The following CPT1B variants were observed in gnomAD, a reference collection of about 807,000 sequenced individuals.
The protein encoded by CPT1B is carnitine palmitoyltransferase 1B.
CPT1B carries 57 observed loss-of-function variants against 92.7 expected under a neutral mutation model. The observed-to-expected ratio is 0.62, with a 90% CI of 0.50 to 0.77. The LOEUF is 0.77. Ranked by LOEUF, CPT1B falls within the 30% of genes least tolerant of loss-of-function variation. The pLI, the probability that CPT1B is intolerant of heterozygous loss-of-function variation, is 0.00. For missense variants in CPT1B, 983 were observed against 1,017.4 expected, an observed-to-expected ratio of 0.97 and a Z score of 0.46; for synonymous variants, 398 against 383.5, an observed-to-expected ratio of 1.04 and a Z score of -0.44.
rs1326283217 is a variant in CPT1B at position 50,572,258 on chromosome 22, C to A, written c.1403G>T (p.Gly468Val). Residue 468 changes from glycine to valine, a missense_variant, in exon 12 of 20, where the codon GGT becomes GTT. Coordinates refer to ENST00000312108, the MANE Select transcript of CPT1B (RefSeq NM_152246.3). Reference sequence around the variant, plus strand: ...TGCCCACGCATGCTCTGCATTGAGACCCAACTGGCCATTCTTGAAGGAAAT... The same window carrying A: ...TGCCCACGCATGCTCTGCATTGAGAACCAACTGGCCATTCTTGAAGGAAAT... ...TLISFKNGQL[G>V]LNAEHAWADA... 1.2e-6 allele frequency: 2 copies of A among 1,614,044 alleles called. No individual in the cohort carries two copies. Among genetic ancestry groups the A allele is most frequent in the Admixed American group, 1.7e-5 (1 of 60,010 alleles).
chr22:50,577,926 G>C lies in CPT1B; in HGVS notation c.-11C>G. On this transcript the variant is annotated 5_prime_UTR_variant, in exon 2 of 20. Transcript: ENST00000312108. ...GTGAGCTTCCGCCATCCTGGGGGTT[G>C]GTCGGCACCTAGGACGGGGGCAGAT... is the stretch of plus-strand genomic sequence containing the variant. 1 of 1,605,184 alleles carries C rather than the reference G, an allele frequency of 6.2e-7. No homozygotes were observed. The highest frequency in any genetic ancestry group is 8.5e-7 in the Non-Finnish European group (1 of 1,174,120).
rs756038779 is a variant in CPT1B, at chr22:50,576,943, GGAA to G, written c.370_372del (p.Phe124del). On this transcript the variant is annotated inframe_deletion, in exon 4 of 20. Transcript: ENST00000312108. ...CAGAGAAGCAGCTTCAGGGTTTGGCGGAAGAAGAAGATGCCCGTCACCCAGACG... is the reference window on the plus strand; with the variant it reads ...CAGAGAAGCAGCTTCAGGGTTTGGCGGAAGAAGATGCCCGTCACCCAGACG... 1.8e-5 allele frequency: 29 copies of G among 1,613,964 alleles called. No individual in the cohort carries two copies. Among genetic ancestry groups the G allele is most frequent in the East Asian group, 6.7e-5 (3 of 44,896 alleles).
At chr22:50,575,159 G>A (rs1201802493) in intron 7 of CPT1B, among the ~76,000 whole-genome samples, 1 of 151,816 alleles carries the variant, frequency 6.6e-6, no homozygotes, top group Non-Finnish European at 1.5e-5. Context: ...GACTACAGAC[G>A]CCCACCACCA....
At chr22:50,575,443 C>T (rs2070387418) in intron 7 of CPT1B, among the ~76,000 whole-genome samples, 2 of 152,172 alleles carry the variant, frequency 1.3e-5, no homozygotes, top group Admixed American at 1.3e-4. Flanking sequence ...GGAAGGACAG[C>T]TTATGGAGGA....
In CPT1B at chr22:50,573,828, C is replaced by G. The variant is rs2070305597; in HGVS notation, c.971-113G>C. ...CAGACCCTGTTTTGCTCGGCCTCTG[C>G]CTGGGCCTTCCTGCCCCCTGGATGG... On this transcript the variant is annotated intron_variant, in intron 9 of 19. Coordinates refer to ENST00000312108, the MANE Select transcript of CPT1B (RefSeq NM_152246.3). This position sits in a 1 kb window ranked among gnomAD's most constrained non-coding sequence, Gnocchi z 5.0. The G allele has an allele frequency of 3.3e-6, 3 of 906,690 alleles. No individual in the cohort carries two copies. The highest frequency in any genetic ancestry group is 5.4e-6 in the Non-Finnish European group (3 of 559,422). 56.2% of individuals were successfully genotyped at this position (906,690 alleles called of 1,614,324 possible).
At position 50,572,180 on chromosome 22, in the gene CPT1B, G is replaced by T. The variant is rs144606575; in HGVS notation, c.1458+23C>A. 8.7e-6 allele frequency: 14 copies of T among 1,612,388 alleles called. No homozygotes were observed. The African/African-American group carries it at 1.9e-4, about 22-fold the overall frequency. On this transcript the variant is annotated intron_variant, in intron 12 of 19. Coordinates refer to ENST00000312108, the MANE Select transcript of CPT1B (RefSeq NM_152246.3). ...CTCATCCCCTACAGCCTGCCCTGCAGGTTCCCTCTGCAAGGCTATTACCTC... is the reference window on the plus strand; with the variant it reads ...CTCATCCCCTACAGCCTGCCCTGCATGTTCCCTCTGCAAGGCTATTACCTC...
In CPT1B at chr22:50,574,288, C is replaced by T. The variant is rs770021629; in HGVS notation, c.970+47G>A. ...TGGTGATGAGCAGGCAGGAGGGCAGCGAGCCAGCCAGATGGCCCACAGGTA... is the reference window on the plus strand; with the variant it reads ...TGGTGATGAGCAGGCAGGAGGGCAGTGAGCCAGCCAGATGGCCCACAGGTA... On this transcript the variant is annotated intron_variant, in intron 9 of 19. Transcript: ENST00000312108. 5.3e-6 allele frequency: 8 copies of T among 1,509,620 alleles called. No individual in the cohort carries two copies. The East Asian group carries it at 7.1e-5, about 13-fold the overall frequency. The allele number at this position is 1,509,620 out of a possible 1,614,324, so 93.5% of individuals were successfully genotyped here.
intron 17 of CPT1B, 105 bp downstream of exon 17, chr22:50,570,188 C>T (rs1168452780): frequency 1.2e-6 from 1 of 834,034 alleles, no homozygotes; most frequent in Admixed American, 2.5e-5. Flanking sequence ...ATGCTCTCCT[C>T]TAAGCAAGGT....
chr22:50,577,034 C>T lies in CPT1B; in HGVS notation c.282G>A (p.Gly94=). The change falls in exon 4 of 20, where the codon GGG becomes GGA. Residue 94 remains glycine (G), a splice_region_variant and synonymous_variant. Coordinates refer to ENST00000312108, the MANE Select transcript of CPT1B (RefSeq NM_152246.3). ...VSCIQRCLPQ[G]CGPYQTPQTR... ...TCTGCGGGGTCTGGTAGGGGCCACA[C>T]CTATTGGAGAGGGGCAAGGGCTGCA... The T allele has an allele frequency of 6.2e-7, 1 of 1,613,776 alleles. No homozygotes were observed. The highest frequency in any genetic ancestry group is 8.5e-7 in the Non-Finnish European group (1 of 1,179,856).
At position 50,577,862 on chromosome 22, in the gene CPT1B, C is replaced by T. The variant is rs2070532071; in HGVS notation, c.54G>A (p.Gly18=). Residue 18 remains glycine (G), a synonymous_variant, in exon 2 of 20, where the codon GGG becomes GGA. Transcript: ENST00000312108. Reference sequence around the variant, plus strand: ...CCTCCCGACTGAGCCGGAAGTCGACCCCGTCTGGGGTCACCGTGAACTGGA... The same window carrying T: ...CCTCCCGACTGAGCCGGAAGTCGACTCCGTCTGGGGTCACCGTGAACTGGA... ...VAFQFTVTPD[G]VDFRLSREAL... is the part of the protein sequence containing the mutation. The T allele has an allele frequency of 1.2e-6, 2 of 1,613,648 alleles. No individual in the cohort carries two copies. Among genetic ancestry groups the T allele is most frequent in the East Asian group, 2.2e-5 (1 of 44,888 alleles).
chr22:50,573,003 G>A lies in CPT1B; in HGVS notation c.1224C>T (p.Ala408=). 1 of 1,613,486 alleles carries A rather than the reference G, an allele frequency of 6.2e-7. No individual in the cohort carries two copies. Among genetic ancestry groups the A allele is most frequent in the East Asian group, 2.2e-5 (1 of 44,854 alleles). Residue 408 remains alanine (A), a synonymous_variant, in exon 11 of 20, where the codon GCC becomes GCT. Coordinates refer to ENST00000312108, the MANE Select transcript of CPT1B (RefSeq NM_152246.3). The surrounding 1 kb of genome is among the most constrained non-coding windows in gnomAD (Gnocchi z 5.0). ...AAGCGGCACGCTCGATGGCCTCCAA[G>A]GCAGCCTTATTCTTTCCAGAGCTAA... ...AFFSSGKNKA[A]LEAIERAAFF... is the part of the protein sequence containing the mutation.
intron 5 of CPT1B, 86 bp from the exon 6 acceptor site, chr22:50,576,421 C>T: frequency 6.2e-7 from 1 of 1,605,972 alleles, no homozygotes; most frequent in Non-Finnish European, 8.5e-7. Flanking sequence ...CCTCCTCACC[C>T]AGCCCCATTA....
chr22:50,574,796 G>A, intron 7 of CPT1B, 196 bp from the exon 8 acceptor site: 2 of 578,578 alleles, frequency 3.5e-6, no homozygotes, highest in Non-Finnish European at 6.2e-6. Context: ...GCTTCAGCCT[G>A]AGCTGCTTTA....
chr22:50,572,968 G>A lies in CPT1B; in HGVS notation c.1259C>T (p.Ala420Val). 6.2e-7 allele frequency: 1 copy of A among 1,613,816 alleles called. No homozygotes were observed. The highest frequency in any genetic ancestry group is 8.5e-7 in the Non-Finnish European group (1 of 1,179,880). The change falls in exon 11 of 20, where the codon GCC (alanine) becomes GTC (valine). Residue 420 changes from alanine to valine, a missense_variant. Coordinates refer to ENST00000312108, the MANE Select transcript of CPT1B (RefSeq NM_152246.3). ...ATAGGAGTAGGATTCCTCATCCAGGGCCACGAAGAAAGCGGCACGCTCGAT... is the reference window on the plus strand; with the variant it reads ...ATAGGAGTAGGATTCCTCATCCAGGACCACGAAGAAAGCGGCACGCTCGAT... Reference protein sequence around the residue: ...EAIERAAFFVALDEESYSYDP... With the variant: ...EAIERAAFFVVLDEESYSYDP...
Position 50,573,571 on chromosome 22 carries a change from G to A in CPT1B, c.1115C>T (p.Ser372Phe). The change falls in exon 10 of 20, where the codon TCC becomes TTC. Residue 372 changes from serine (S) to phenylalanine (F), a missense_variant. Ser to Phe is a radical substitution (Grantham distance 155). Transcript: ENST00000312108. The surrounding 1 kb of genome is among the most constrained non-coding windows in gnomAD (Gnocchi z 5.0). ...CTTCTCCTCCCCAGGCTGAGGTGGG[G>A]AGGGGTCGTCCAGGATCCTCTGGAA... ...MQFQRILDDP[S>F]PPQPGEEKLA... 6.2e-7 allele frequency: 1 copy of A among 1,613,624 alleles called. No homozygotes were observed.
chr22:50,573,020 C>T lies in CPT1B; in HGVS notation c.1207G>A (p.Gly403Arg). ...GCCTCCAAGGCAGCCTTATTCTTTC[C>T]AGAGCTAAAGAAGGCCTGGCGTGCC... ...AQARQAFFSS[G>R]KNKAALEAIE... Residue 403 changes from glycine (G) to arginine (R), a missense_variant, in exon 11 of 20, where the codon GGA becomes AGA. Gly to Arg is a moderately radical substitution (Grantham distance 125). Coordinates refer to ENST00000312108, the MANE Select transcript of CPT1B (RefSeq NM_152246.3). This position sits in a 1 kb window ranked among gnomAD's most constrained non-coding sequence, Gnocchi z 5.0. 2 of 1,610,874 alleles carry T rather than the reference C, an allele frequency of 1.2e-6. No homozygotes were observed. The highest frequency in any genetic ancestry group is 2.2e-5 in the South Asian group (2 of 91,036).
chr22:50,572,789 C>T (rs1474544022), intron 11 of CPT1B, 86 bp downstream of exon 11: 4 of 1,450,222 alleles, frequency 2.8e-6, no homozygotes, highest in Non-Finnish European at 3.8e-6. Flanking sequence ...CAGCTCATAA[C>T]CCTACCTTCT....
chr22:50,572,346 G>T, intron 11 of CPT1B, 38 bp from the exon 12 acceptor site: 1 of 1,448,710 alleles, frequency 6.9e-7, no homozygotes, highest in South Asian at 1.1e-5. Context: ...CCAAAGCTGG[G>T]AATGTCCAGA....
At position 50,573,172 on chromosome 22, in the gene CPT1B, TG is replaced by T. The variant is rs201529992; in HGVS notation, c.1167-113del. ...TGGGGTGCCAGGCTGGACCTGGAGA[TG>T]GGGGGTACCACGCTGGACCTGGAGA... On this transcript the variant is annotated intron_variant, in intron 10 of 19. Coordinates refer to ENST00000312108, the MANE Select transcript of CPT1B (RefSeq NM_152246.3). The surrounding 1 kb of genome is among the most constrained non-coding windows in gnomAD (Gnocchi z 5.0). 4,587 of 857,778 alleles carry T rather than the reference TG, an allele frequency of 5.3e-3. 102 individuals carry two copies. The highest frequency in any genetic ancestry group is 0.045 in the Admixed American group (1,746 of 38,694). 53.1% of individuals were successfully genotyped at this position (857,778 alleles called of 1,614,324 possible).
Sources: allele counts gnomAD v4.1 joint callset (sites outside exome capture counted in the v4.1 genomes callset), GRCh38; gene constraint gnomAD v4.1.1; non-coding constraint Gnocchi (gnomAD v3.1); transcripts MANE v1.5; gene names NCBI Gene and HGNC (gene_info 2026-07-23, HGNC 2026-07-21).